The following RABL6 variants were observed in gnomAD, a reference collection of about 807,000 sequenced individuals.
RABL6 encodes the protein rab-like protein 6.
Under a neutral mutation model 72.9 loss-of-function variants are expected in RABL6, and 28 were observed. That is an observed-to-expected ratio of 0.38 (90% CI 0.28 to 0.53). RABL6 has a LOEUF of 0.53. Ranked by LOEUF, RABL6 falls within the 20% of genes least tolerant of loss-of-function variation. The pLI, the probability that RABL6 is intolerant of heterozygous loss-of-function variation, is 0.80. For missense variants in RABL6, 1,029 were observed against 1,008.4 expected (o/e 1.02, Z -0.28); for synonymous variants, 477 against 421.2 (o/e 1.13, Z -1.62).
chr9:136,838,420 G>A (rs2784082), intron 10 of RABL6, among the ~76,000 whole-genome samples: 118,403 of 152,026 alleles, frequency 0.78, 46,231 homozygotes, highest in East Asian at 0.86. Flanking sequence ...AGCTAGAGCC[G>A]CCTCCCCAGC....
chr9:136,840,737 A>T lies in RABL6; in HGVS notation c.*215A>T. On this transcript the variant is annotated 3_prime_UTR_variant, in exon 15 of 15. Coordinates refer to ENST00000311502, the MANE Select transcript of RABL6 (RefSeq NM_024718.5). The stretch of plus-strand genomic sequence containing the variant: ...AGCCTGCTCTGCAAGAAGGGAGGGG[A>T]CAGCTGGCTTCAGCCAGGCTCGGTG... 1 of 1,548,300 alleles carries T rather than the reference A, an allele frequency of 6.5e-7. No homozygotes were observed. The highest frequency in any genetic ancestry group is 8.7e-7 in the Non-Finnish European group (1 of 1,146,756).
intron 1 of RABL6, chr9:136,813,150 C>G: frequency 2.2e-6 from 1 of 450,988 alleles, no homozygotes; most frequent in Non-Finnish European, 4.1e-6. Flanking sequence ...CTTTGACAGA[C>G]AGTTTTAGAT....
Position 136,837,450 on chromosome 9 carries a change from G to C in RABL6, c.914G>C (p.Gly305Ala). Reference sequence around the variant, plus strand: ...TCCCAGTCACCAGTGGTGCCTGCAGGCGCTGTGTCCACGGGGAGCTCCAGC... The same window carrying C: ...TCCCAGTCACCAGTGGTGCCTGCAGCCGCTGTGTCCACGGGGAGCTCCAGC... Reference protein sequence around the residue: ...PGSQSPVVPAGAVSTGSSSPG... With the variant: ...PGSQSPVVPAAAVSTGSSSPG... Residue 305 changes from glycine to alanine, a missense_variant, in exon 9 of 15, where the codon GGC becomes GCC. Gly to Ala is a moderately conservative substitution (Grantham distance 60). This residue lies in a region of RABL6 where 434 missense variants were observed against 536.1 expected (regional missense o/e 0.81). Transcript: ENST00000311502. The C allele has an allele frequency of 6.4e-7, 1 of 1,568,134 alleles. No individual in the cohort carries two copies.
At chr9:136,833,722 G>C (rs1437269301) in intron 7 of RABL6, 3 of 1,550,300 alleles carry the variant, frequency 1.9e-6, no homozygotes, top group Non-Finnish European at 2.6e-6. Context: ...TTCTCCAGAA[G>C]GATGTCAGGC....
intron 5 of RABL6, chr9:136,831,088 C>T (rs1848463441): frequency 6.5e-6 from 1 of 154,670 alleles, no homozygotes; most frequent in African/African-American, 2.4e-5. Context: ...ATTTTTTACT[C>T]CCTTATGTTG....
intron 1 of RABL6, chr9:136,813,400 CAG>C (rs1279043270): frequency 2.2e-6 from 2 of 929,032 alleles, no homozygotes; most frequent in East Asian, 5.4e-5. Context: ...TTGCTTAAAC[CAG>C]AGTTTTTGAT....
At position 136,837,548 on chromosome 9, in the gene RABL6, C is replaced by T. The variant is rs1440655953; in HGVS notation, c.1012C>T (p.Pro338Ser). ...APPSSVPPVP[P>S]SEALPPPACP... is the part of the protein sequence containing the mutation. ...ACCATCCTCTGTGCCCCCTGTACCACCCTCAGAGGCCCTGCCCCCACCTGC... is the reference window on the plus strand; with the variant it reads ...ACCATCCTCTGTGCCCCCTGTACCATCCTCAGAGGCCCTGCCCCCACCTGC... Residue 338 changes from proline (P) to serine (S), a missense_variant, in exon 9 of 15, where the codon CCC becomes TCC. This residue lies in a region of RABL6 where 434 missense variants were observed against 536.1 expected (regional missense o/e 0.81). Transcript: ENST00000311502. The T allele has an allele frequency of 6.4e-6, 10 of 1,554,840 alleles. No individual in the cohort carries two copies. Among genetic ancestry groups the T allele is most frequent in the Non-Finnish European group, 7.8e-6 (9 of 1,152,608 alleles).
At chr9:136,838,648 G>A (rs562544257) in intron 10 of RABL6, among the ~76,000 whole-genome samples, 4 of 152,192 alleles carry the variant, frequency 2.6e-5, no homozygotes, top group African/African-American at 4.8e-5. Context: ...CCTCCTCCAC[G>A]AGCGCCCACT....
At chr9:136,815,510 G>A in intron 1 of RABL6, 1 of 256,446 alleles carries the variant, frequency 3.9e-6, no homozygotes, top group Non-Finnish European at 7.6e-6. Context: ...GGTCACCTTG[G>A]TTTTTACCTG....
At chr9:136,815,487 G>A in intron 1 of RABL6, 2 of 265,106 alleles carry the variant, frequency 7.5e-6, no homozygotes. Flanking sequence ...TGGGGGAGCA[G>A]CCATTTTCTT....
At chr9:136,839,540 A>G (rs1259406018) in intron 12 of RABL6, 54 bp downstream of exon 12, 1 of 1,575,370 alleles carries the variant, frequency 6.3e-7, no homozygotes, top group Non-Finnish European at 8.6e-7. Flanking sequence ...GGTCCCTCCC[A>G]CAGGCCTGAT....
chr9:136,839,787 G>A lies in RABL6; in HGVS notation c.1852G>A (p.Ala618Thr), dbSNP rs200780072. ...PPPPPKLPLPAFRLKNDSDLF... is the reference protein window; with the variant it reads ...PPPPPKLPLPTFRLKNDSDLF... ...CCCACCCCCCAAGCTCCCTCTCCCCGCCTTCAGACTGAAGAATGACTCGGA... is the reference window on the plus strand; with the variant it reads ...CCCACCCCCCAAGCTCCCTCTCCCCACCTTCAGACTGAAGAATGACTCGGA... The change falls in exon 13 of 15, where the codon GCC (alanine) becomes ACC (threonine). Residue 618 changes from alanine to threonine, a missense_variant. Ala to Thr is a moderately conservative substitution (Grantham distance 58). Transcript: ENST00000311502. The A allele has an allele frequency of 3.4e-4, 548 of 1,612,638 alleles. 3 individuals carry two copies. Among genetic ancestry groups the A allele is most frequent in the African/African-American group, 1.1e-3 (82 of 74,904 alleles).
intron 1 of RABL6, among the ~76,000 whole-genome samples, chr9:136,819,427 A>T (rs1317175904): frequency 6.6e-6 from 1 of 152,230 alleles, no homozygotes; most frequent in Non-Finnish European, 1.5e-5. Context: ...TAAAAATCAT[A>T]AAATAACATG....
chr9:136,818,362 C>CAAAAAAAAAAAAAAAACAAAAAA (rs1564360779), intron 1 of RABL6, among the ~76,000 whole-genome samples: 2 of 15,004 alleles, frequency 1.3e-4, no homozygotes, highest in Non-Finnish European at 2.4e-4. Flanking sequence ...GACTCTGTCT[C>CAAAAAAAAAAAAAAAACAAAAAA]AAAAAAAAAA....
intron 1 of RABL6, among the ~76,000 whole-genome samples, chr9:136,817,868 C>G (rs1848152468): frequency 6.6e-6 from 1 of 151,388 alleles, no homozygotes; most frequent in South Asian, 2.1e-4. Flanking sequence ...TTGAGTCCAG[C>G]CTGGCCAACA....
intron 2 of RABL6, 105 bp downstream of exon 2, chr9:136,823,764 CTT>C: frequency 7.2e-7 from 1 of 1,396,030 alleles, no homozygotes; most frequent in Non-Finnish European, 9.5e-7. Flanking sequence ...CCGAAGAGTT[CTT>C]GTCTGTGAGG....
intron 8 of RABL6, chr9:136,836,070 C>T: frequency 2.0e-6 from 1 of 488,472 alleles, no homozygotes; most frequent in East Asian, 3.4e-5. Flanking sequence ...CATGCTGTGC[C>T]TGCCACTCTG....
intron 1 of RABL6, chr9:136,815,242 C>T (rs537336601): frequency 7.6e-5 from 23 of 303,472 alleles, no homozygotes; most frequent in African/African-American, 4.1e-4. Context: ...AGTGCTTTGC[C>T]TGCTATGGCT....
At position 136,826,087 on chromosome 9, in the gene RABL6, C is replaced by CG. The variant is rs1848350560; in HGVS notation, c.313+267dup. ...CGTGCACGGTGGCGGCAGGTGCAGC[C>CG]GGGGGGTGTGCTTTGAGCCCCAAGG... On this transcript the variant is annotated intron_variant, in intron 3 of 14. Transcript: ENST00000311502. This position sits in a 1 kb window ranked among gnomAD's most constrained non-coding sequence, Gnocchi z 4.9. Among the ~76,000 whole-genome samples the CG allele has an allele frequency of 2.0e-5, 3 of 152,128 alleles. No individual in the cohort carries two copies. The highest frequency in any genetic ancestry group is 1.3e-4 in the Admixed American group (2 of 15,278).
Sources: gnomAD v4.1 joint callset for allele counts (sites outside exome capture counted in the v4.1 genomes callset) on GRCh38, gnomAD v4.1.1 for gene constraint, gnomAD v4.1.1 regional missense constraint, Gnocchi (gnomAD v3.1) non-coding constraint, MANE v1.5 for transcripts, NCBI Gene and HGNC (gene_info 2026-07-23, HGNC 2026-07-21) for gene names.